TMEM106A: variants seen among roughly 807,000 people sequenced by gnomAD.
TMEM106A encodes the protein transmembrane protein 106A.
A neutral mutation model predicts 25.1 loss-of-function variants in TMEM106A; 22 were observed. That is an observed-to-expected ratio of 0.88 (90% CI 0.63 to 1.25). TMEM106A has a LOEUF of 1.25. Ranked by LOEUF, TMEM106A falls within the 50% of genes most tolerant of loss-of-function variation. The pLI is 0.00. For missense variants in TMEM106A, 275 were observed against 318.1 expected, an observed-to-expected ratio of 0.86 and a Z score of 1.03; for synonymous variants, 104 against 129.9, an observed-to-expected ratio of 0.80 and a Z score of 1.35.
intron 3 of TMEM106A, 85 bp downstream of exon 3, chr17:43,213,337 C>T (rs917205984): frequency 7.0e-7 from 1 of 1,424,020 alleles, no homozygotes. Flanking sequence ...TCTGAGTCTC[C>T]TTGGATGGGG....
At chr17:43,216,345 A>G (rs1567876681) in intron 5 of TMEM106A, 104 bp from the exon 6 acceptor site, 9 of 1,464,006 alleles carry the variant, frequency 6.1e-6, no homozygotes, top group Non-Finnish European at 8.5e-6. Context: ...GAAGCTTGTC[A>G]TGGTAGATGG....
chr17:43,215,018 G>A (rs915682722), intron 4 of TMEM106A, among the ~76,000 whole-genome samples: 10 of 149,814 alleles, frequency 6.7e-5, no homozygotes, highest in South Asian at 2.1e-4. Flanking sequence ...AGGCCAAGGC[G>A]GGCAGATCAC....
chr17:43,217,626 G>T lies in TMEM106A; in HGVS notation c.669-55G>T. On this transcript the variant is annotated intron_variant, in intron 8 of 8. Coordinates refer to ENST00000612339, the MANE Select transcript of TMEM106A (RefSeq NM_145041.4). ...CCCCACCCCCAGACAGTATAATGGG[G>T]CCAGAGCTTTCCTTTTCCTCCCAGC... is the stretch of plus-strand genomic sequence containing the variant. The T allele has an allele frequency of 1.9e-6, 3 of 1,609,946 alleles. No individual in the cohort carries two copies. The East Asian group carries it at 6.7e-5, about 36-fold the overall frequency.
intron 8 of TMEM106A, 92 bp from the exon 9 acceptor site, chr17:43,217,589 G>A: frequency 6.5e-7 from 1 of 1,546,068 alleles, no homozygotes. Flanking sequence ...GCAAATGAGG[G>A]AGCTCCCCGC....
At chr17:43,214,188 C>CAAAAAAAAAAAAAAAAAA (rs1171744040) in intron 4 of TMEM106A, among the ~76,000 whole-genome samples, 1 of 50,890 alleles carries the variant, frequency 2.0e-5, no homozygotes, top group Non-Finnish European at 4.0e-5. Context: ...CCATCTCTAT[C>CAAAAAAAAAAAAAAAAAA]AAAAAAAAAA....
Position 43,218,636 on chromosome 17 carries a change from G to A in TMEM106A, c.*835G>A, listed in dbSNP as rs2057508718. On this transcript the variant is annotated 3_prime_UTR_variant, in exon 9 of 9. Transcript: ENST00000612339. ...AGATCGTGCAACTGCACTCCAGCCT[G>A]GGCAAAAGAGCAAAACTTTGTCTCA... The A allele has an allele frequency of 6.6e-6, 1 of 152,152 alleles. No individual in the cohort carries two copies. The highest frequency in any genetic ancestry group is 2.1e-4 in the South Asian group (1 of 4,832). 9.4% of individuals were successfully genotyped at this position (152,152 alleles called of 1,614,324 possible).
At chr17:43,216,804 C>T in intron 7 of TMEM106A, 64 bp downstream of exon 7, 2 of 1,599,532 alleles carry the variant, frequency 1.3e-6, no homozygotes, top group South Asian at 2.2e-5. Context: ...AATTAATACC[C>T]ACCAGCTTTC....
At chr17:43,217,568 C>T in intron 8 of TMEM106A, 113 bp from the exon 9 acceptor site, 2 of 1,529,028 alleles carry the variant, frequency 1.3e-6, no homozygotes, top group Non-Finnish European at 1.8e-6. Context: ...AGTGGGGAGC[C>T]AGAGGGAAGG....
chr17:43,214,286 G>A (rs1387137730), intron 4 of TMEM106A, among the ~76,000 whole-genome samples: 1 of 151,872 alleles, frequency 6.6e-6, no homozygotes, highest in Non-Finnish European at 1.5e-5. Flanking sequence ...GCCACCTGGT[G>A]GGCTTCCTTA....
At position 43,215,955 on chromosome 17, in the gene TMEM106A, C is replaced by T; in HGVS notation, c.429+14C>T. ...CTCAACATAACGGTGGGTGGGTGCC[C>T]TTGGCTCCAAACCCCCCTTCCTAGC... On this transcript the variant is annotated intron_variant, in intron 5 of 8. Transcript: ENST00000612339. 6.2e-7 allele frequency: 1 copy of T among 1,613,658 alleles called. No individual in the cohort carries two copies.
rs373281061 is a variant in TMEM106A, at chr17:43,213,936, G to C, written c.275+45G>C. The stretch of plus-strand genomic sequence containing the variant: ...CTAGCTTCACAAGCCATTGCCCCTG[G>C]GGGCTGCTCCCTTTGTCTCCCCTGT... On this transcript the variant is annotated intron_variant, in intron 4 of 8. Transcript: ENST00000612339. The C allele has an allele frequency of 1.6e-4, 258 of 1,600,934 alleles. 2 individuals are homozygous for C. Among genetic ancestry groups the C allele is most frequent in the African/African-American group, 4.0e-5 (3 of 74,594 alleles).
rs542517379 is a variant in TMEM106A, at chr17:43,213,525, C to G, written c.211+273C>G. 2.6e-5 allele frequency among the ~76,000 whole-genome samples: 4 copies of G among 152,344 alleles called. 1 individual carries two copies. In the South Asian group the frequency reaches 8.3e-4, roughly 32 times the overall value. On this transcript the variant is annotated intron_variant, in intron 3 of 8. Transcript: ENST00000612339. ...GAGCAACACTGTGTGTCCTAGGATT[C>G]ATTCAGTTCAGGAAGTTACAAATGA...
rs372537346 is a variant in TMEM106A at position 43,215,966 on chromosome 17, A to G, written c.429+25A>G. ...GGTGGGTGGGTGCCCTTGGCTCCAA[A>G]CCCCCCTTCCTAGCAATACTTCGCT... On this transcript the variant is annotated intron_variant, in intron 5 of 8. Transcript: ENST00000612339. 4.8e-5 allele frequency: 78 copies of G among 1,612,808 alleles called. No individual in the cohort carries two copies. The African/African-American group carries it at 9.6e-4, about 20-fold the overall frequency.
At chr17:43,215,721 C>G in intron 4 of TMEM106A, 67 bp from the exon 5 acceptor site, 1 of 1,561,468 alleles carries the variant, frequency 6.4e-7, no homozygotes, top group South Asian at 1.1e-5. Flanking sequence ...TGTCTGAACC[C>G]CCTCTCCGAG....
At chr17:43,216,059 T>C (rs991746362) in intron 5 of TMEM106A, 118 bp downstream of exon 5, 1 of 1,343,506 alleles carries the variant, frequency 7.4e-7, no homozygotes, top group Non-Finnish European at 1.0e-6. Flanking sequence ...CCAGAGGGTG[T>C]TGGGAGCCTG....
chr17:43,215,115 C>T (rs1395261079), intron 4 of TMEM106A, among the ~76,000 whole-genome samples: 2 of 152,014 alleles, frequency 1.3e-5, no homozygotes, highest in East Asian at 3.9e-4. Context: ...TAGTGGCAGG[C>T]ACCTGTAATC....
Position 43,213,151 on chromosome 17 carries a change from G to T in TMEM106A, c.110G>T (p.Gly37Val). The T allele has an allele frequency of 6.2e-7, 1 of 1,614,190 alleles. No individual in the cohort carries two copies. Among genetic ancestry groups the T allele is most frequent in the South Asian group, 1.1e-5 (1 of 91,078 alleles). ...GSKAVNYSST[G>V]SSKSFCSCVP... ...AAGGCTGTCAACTACTCCAGCACCG[G>T]TAGCAGCAAGTCTTTTTGTTCCTGT... is the stretch of plus-strand genomic sequence containing the variant. Residue 37 changes from glycine to valine, a missense_variant, in exon 3 of 9, where the codon GGT becomes GTT. Transcript: ENST00000612339.
Position 43,217,854 on chromosome 17 carries a change from C to A in TMEM106A, c.*53C>A. ...ACCTGCAACCCTGGTCTATATCTCCCACAACTCCCTGGTGACTAAGGAAGG... is the reference window on the plus strand; with the variant it reads ...ACCTGCAACCCTGGTCTATATCTCCAACAACTCCCTGGTGACTAAGGAAGG... On this transcript the variant is annotated 3_prime_UTR_variant, in exon 9 of 9. Coordinates refer to ENST00000612339, the MANE Select transcript of TMEM106A (RefSeq NM_145041.4). 3.1e-6 allele frequency: 5 copies of A among 1,610,096 alleles called. No individual in the cohort carries two copies. In the South Asian group the frequency reaches 5.5e-5, roughly 18 times the overall value.
In TMEM106A at chr17:43,216,746, T is replaced by C. The variant is rs1567877007; in HGVS notation, c.614+6T>C. 34 of 1,614,204 alleles carry C rather than the reference T, an allele frequency of 2.1e-5. No homozygotes were observed. Among genetic ancestry groups the C allele is most frequent in the Non-Finnish European group, 2.6e-5 (31 of 1,180,028 alleles). On this transcript the variant is annotated splice_donor_region_variant and intron_variant, in intron 7 of 8. Coordinates refer to ENST00000612339, the MANE Select transcript of TMEM106A (RefSeq NM_145041.4). Reference sequence around the variant, plus strand: ...ATACGGGATGAAAACACATAGTGAGTACCCCTTGATCTCTTCTCCCCTAGC... The same window carrying C: ...ATACGGGATGAAAACACATAGTGAGCACCCCTTGATCTCTTCTCCCCTAGC...
Sources: gnomAD v4.1 joint callset for allele counts (sites outside exome capture counted in the v4.1 genomes callset) on GRCh38, gnomAD v4.1.1 for gene constraint, MANE v1.5 for transcripts, NCBI Gene and HGNC (gene_info 2026-07-23, HGNC 2026-07-21) for gene names.